Variants in ZNF547 observed in about 807,000 individuals in gnomAD.
ZNF547 encodes zinc finger protein 547.
ZNF547 carries 4 observed loss-of-function variants against 7.7 expected under a neutral mutation model. That is an observed-to-expected ratio of 0.52 (90% CI 0.26 to 1.20). ZNF547 has a LOEUF of 1.20. Ranked by LOEUF, ZNF547 falls within the 50% of genes most tolerant of loss-of-function variation. The pLI, the probability that ZNF547 is intolerant of heterozygous loss-of-function variation, is 0.14. For synonymous variants in ZNF547, 166 were observed against 166.2 expected (o/e 1.00, Z 0.01); for missense variants, 449 against 485.8 (o/e 0.92, Z 0.71).
Position 57,378,441 on chromosome 19 carries a change from TA to T in ZNF547, c.*259del. 1 of 656,270 alleles carries T rather than the reference TA, an allele frequency of 1.5e-6. No individual in the cohort carries two copies. The highest frequency in any genetic ancestry group is 2.0e-5 in the Admixed American group (1 of 49,950). The allele number at this position is 656,270 out of a possible 1,614,324, so 40.7% of individuals were successfully genotyped here. On this transcript the variant is annotated 3_prime_UTR_variant, in exon 4 of 4. Coordinates refer to ENST00000282282, the MANE Select transcript of ZNF547 (RefSeq NM_173631.4). ...TTACACTGAAGAAGAGTCTTTTCAATAAAGTAGAAAGTGGTAAAGATTCAAC... is the reference window on the plus strand; with the variant it reads ...TTACACTGAAGAAGAGTCTTTTCAATAAGTAGAAAGTGGTAAAGATTCAAC...
chr19:57,366,358 C>G (rs1242967774), intron 1 of ZNF547, among the ~76,000 whole-genome samples: 1 of 151,572 alleles, frequency 6.6e-6, no homozygotes, highest in African/African-American at 2.4e-5. Flanking sequence ...GCTGGGATTA[C>G]AGGCATACGC....
chr19:57,375,988 C>A (rs1006777449), intron 3 of ZNF547, among the ~76,000 whole-genome samples: 49 of 152,060 alleles, frequency 3.2e-4, no homozygotes, highest in African/African-American at 1.1e-3. Context: ...CATGGTGAAA[C>A]CCCATCTCTA....
In ZNF547 at chr19:57,371,807, C is replaced by G. The variant is rs1287226652; in HGVS notation, c.50C>G (p.Ala17Gly). ...AQGHVVFEDV[A>G]IYFSQEEWGH... Reference sequence around the variant, plus strand: ...GGTCATGTGGTTTTTGAAGACGTGGCCATATATTTCTCCCAGGAGGAGTGG... The same window carrying G: ...GGTCATGTGGTTTTTGAAGACGTGGGCATATATTTCTCCCAGGAGGAGTGG... The change falls in exon 3 of 4, where the codon GCC becomes GGC. Residue 17 changes from alanine to glycine, a missense_variant. By Grantham distance (60) the Ala-to-Gly change is moderately conservative. Coordinates refer to ENST00000282282, the MANE Select transcript of ZNF547 (RefSeq NM_173631.4). The G allele has an allele frequency of 6.2e-7, 1 of 1,612,880 alleles. No homozygotes were observed. Among genetic ancestry groups the G allele is most frequent in the Non-Finnish European group, 8.5e-7 (1 of 1,179,632 alleles).
At chr19:57,368,777 G>A (rs550318965) in intron 2 of ZNF547, among the ~76,000 whole-genome samples, 198 bp downstream of exon 2, 33 of 152,172 alleles carry the variant, frequency 2.2e-4, no homozygotes, top group Non-Finnish European at 4.6e-4. Context: ...TAAGTTTACT[G>A]TGACACCTTA....
At position 57,378,068 on chromosome 19, in the gene ZNF547, G is replaced by A; in HGVS notation, c.1092G>A (p.Lys364=). 6.2e-7 allele frequency: 1 copy of A among 1,614,012 alleles called. No homozygotes were observed. The highest frequency in any genetic ancestry group is 1.7e-5 in the Admixed American group (1 of 60,014). Residue 364 remains lysine, a synonymous_variant, in exon 4 of 4, where the codon AAG becomes AAA. Coordinates refer to ENST00000282282, the MANE Select transcript of ZNF547 (RefSeq NM_173631.4). ...CSECGKAFLT[K]SHLICHQTVH... ...AGTGTGGGAAGGCCTTCCTTACAAA[G>A]TCCCACCTCATTTGTCATCAGACAG...
At chr19:57,364,898 T>G in intron 1 of ZNF547, 1 of 1,612,336 alleles carries the variant, frequency 6.2e-7, no homozygotes, top group Non-Finnish European at 8.5e-7. Context: ...GAAATGGAGT[T>G]TTTGCCAGCT....
chr19:57,365,164 A>G lies in ZNF547; in HGVS notation c.-13+1461A>G, dbSNP rs138752522. 982 of 1,595,396 alleles carry G rather than the reference A, an allele frequency of 6.2e-4. 6 individuals are homozygous for G. The African/African-American group carries it at 8.7e-3, about 14-fold the overall frequency. ...TTATGATTTATATATAAAATTTTCA[A>G]TGAATCCATTTTATGAACCCAATTC... is the stretch of plus-strand genomic sequence containing the variant. On this transcript the variant is annotated intron_variant, in intron 1 of 3. Transcript: ENST00000282282.
Position 57,377,454 on chromosome 19 carries a change from G to A in ZNF547, c.478G>A (p.Glu160Lys), listed in dbSNP as rs749733667. ...HMAGKTFLCSECGKAFSHKHK... is the reference protein window; with the variant it reads ...HMAGKTFLCSKCGKAFSHKHK... ...GGCAGGGAAGACCTTCTTGTGCAGTGAATGTGGGAAAGCCTTTAGCCACAA... is the reference window on the plus strand; with the variant it reads ...GGCAGGGAAGACCTTCTTGTGCAGTAAATGTGGGAAAGCCTTTAGCCACAA... Residue 160 changes from glutamate to lysine, a missense_variant, in exon 4 of 4, where the codon GAA becomes AAA. Glu to Lys is a moderately conservative substitution (Grantham distance 56, BLOSUM62 1). Coordinates refer to ENST00000282282, the MANE Select transcript of ZNF547 (RefSeq NM_173631.4). 5 of 1,614,244 alleles carry A rather than the reference G, an allele frequency of 3.1e-6. 1 individual carries two copies. In the South Asian group the frequency reaches 5.5e-5, roughly 18 times the overall value.
chr19:57,373,949 G>T (rs1052624258), intron 3 of ZNF547, among the ~76,000 whole-genome samples: 1 of 152,180 alleles, frequency 6.6e-6, no homozygotes, highest in Non-Finnish European at 1.5e-5. Context: ...CCATTCTGGG[G>T]ACTGGAGGAC....
At position 57,365,802 on chromosome 19, in the gene ZNF547, C is replaced by T. The variant is rs373445697; in HGVS notation, c.-13+2099C>T. 2.1e-3 allele frequency among the ~76,000 whole-genome samples: 311 copies of T among 148,176 alleles called. 2 individuals carry two copies. The highest frequency in any genetic ancestry group is 7.3e-3 in the African/African-American group (293 of 40,368). ...GATTACAGGCATGAGCCACCACTCC[C>T]GGCCATGAAATATTTTTACTTAAAA... On this transcript the variant is annotated intron_variant, in intron 1 of 3. Transcript: ENST00000282282.
At chr19:57,368,867 A>C (rs192134087) in intron 2 of ZNF547, among the ~76,000 whole-genome samples, 1 of 152,206 alleles carries the variant, frequency 6.6e-6, no homozygotes, top group Non-Finnish European at 1.5e-5. Flanking sequence ...TGTCATGGGC[A>C]CAAGATTAAG....
intron 2 of ZNF547, among the ~76,000 whole-genome samples, chr19:57,369,291 G>A (rs2088490166): frequency 6.6e-6 from 1 of 152,138 alleles, no homozygotes; most frequent in Non-Finnish European, 1.5e-5. Context: ...AGCTGGGGGG[G>A]TGGGATAGAA....
At chr19:57,374,479 G>T (rs2088524461) in intron 3 of ZNF547, among the ~76,000 whole-genome samples, 1 of 152,254 alleles carries the variant, frequency 6.6e-6, no homozygotes, top group Admixed American at 6.5e-5. Context: ...AGGCACTGGA[G>T]ACATTTTCCC....
intron 1 of ZNF547, among the ~76,000 whole-genome samples, chr19:57,367,665 A>T (rs2088479384): frequency 6.6e-6 from 1 of 152,206 alleles, no homozygotes. Context: ...CGTGGGTGGG[A>T]TAAGGAATGG....
At chr19:57,370,284 T>G (rs1030461343) in intron 2 of ZNF547, among the ~76,000 whole-genome samples, 17 of 152,250 alleles carry the variant, frequency 1.1e-4, no homozygotes, top group East Asian at 3.9e-4. Context: ...TGAGAGTATG[T>G]GAAGTCCTCA....
chr19:57,377,018 G>A (rs2088539835), intron 3 of ZNF547, 110 bp from the exon 4 acceptor site: 9 of 1,157,512 alleles, frequency 7.8e-6, no homozygotes, highest in Non-Finnish European at 1.1e-5. Context: ...GTTCATGCCT[G>A]TCACCAATTC....
intron 2 of ZNF547, among the ~76,000 whole-genome samples, chr19:57,368,886 AGT>A (rs1420981180): frequency 1.2e-4 from 19 of 152,178 alleles, no homozygotes; most frequent in African/African-American, 4.6e-4. Flanking sequence ...AGAATGTTTC[AGT>A]GTTTAGAGGA....
chr19:57,378,047 T>C lies in ZNF547; in HGVS notation c.1071T>C (p.Cys357=). 1 of 1,614,158 alleles carries C rather than the reference T, an allele frequency of 6.2e-7. No individual in the cohort carries two copies. Among genetic ancestry groups the C allele is most frequent in the Non-Finnish European group, 8.5e-7 (1 of 1,180,042 alleles). The stretch of plus-strand genomic sequence containing the variant: ...AACGGCCTTATGAATGCAGTGAGTG[T>C]GGGAAGGCCTTCCTTACAAAGTCCC... ...TGERPYECSE[C]GKAFLTKSHL... The change falls in exon 4 of 4, where the codon TGT becomes TGC. Residue 357 remains cysteine (C), a synonymous_variant. Coordinates refer to ENST00000282282, the MANE Select transcript of ZNF547 (RefSeq NM_173631.4).
Position 57,371,896 on chromosome 19 carries a change from T to C in ZNF547, c.139T>C (p.Leu47=). Residue 47 remains leucine (L), a synonymous_variant, in exon 3 of 4, where the codon TTG becomes CTG. Transcript: ENST00000282282. ...TGTGATGCTGGAGAATTTGGCCCTT[T>C]TGTCCTCACTAGGTAAGGCCCTCAC... ...RDVMLENLAL[L]SSLGCCHGAE... is the part of the protein sequence containing the mutation. 6.2e-7 allele frequency: 1 copy of C among 1,609,774 alleles called. No individual in the cohort carries two copies. Among genetic ancestry groups the C allele is most frequent in the Non-Finnish European group, 8.5e-7 (1 of 1,177,462 alleles).
Sources: gnomAD v4.1 joint callset for allele counts (sites outside exome capture counted in the v4.1 genomes callset) on GRCh38, gnomAD v4.1.1 for gene constraint, MANE v1.5 for transcripts, NCBI Gene and HGNC (gene_info 2026-07-23, HGNC 2026-07-21) for gene names.